SERPINB8: variants seen among roughly 807,000 people sequenced by gnomAD.
The protein encoded by SERPINB8 is serpin family B member 8.
A neutral mutation model predicts 35.3 loss-of-function variants in SERPINB8; 25 were observed. That is an observed-to-expected ratio of 0.71 (90% CI 0.52 to 0.99). The LOEUF is 0.99. Ranked by LOEUF, SERPINB8 falls within the 50% of genes least tolerant of loss-of-function variation. SERPINB8 has a pLI of 0.00. For missense variants in SERPINB8, 484 were observed against 446.5 expected, an observed-to-expected ratio of 1.08 and a Z score of -0.76; for synonymous variants, 186 against 160.8, an observed-to-expected ratio of 1.16 and a Z score of -1.19.
chr18:63,975,040 G>A (rs1484868894), intron 1 of SERPINB8, among the ~76,000 whole-genome samples: 1 of 151,806 alleles, frequency 6.6e-6, no homozygotes, highest in Non-Finnish European at 1.5e-5. Context: ...TGAGATTGAT[G>A]CAATAGTTCA....
chr18:64,011,624 T>C (rs1161770426), intron 7 of SERPINB8, among the ~76,000 whole-genome samples: 1 of 152,172 alleles, frequency 6.6e-6, no homozygotes, highest in African/African-American at 2.4e-5. Context: ...GTTGGTGCTG[T>C]ATTTGTTGAG....
At chr18:64,011,100 T>C (rs2050923936) in intron 7 of SERPINB8, among the ~76,000 whole-genome samples, 2 of 152,072 alleles carry the variant, frequency 1.3e-5, no homozygotes, top group African/African-American at 2.4e-5. Flanking sequence ...ATCTAAATTA[T>C]GTAAATTTTA....
chr18:63,982,579 C>T (rs959963800), intron 4 of SERPINB8, among the ~76,000 whole-genome samples: 3 of 152,130 alleles, frequency 2.0e-5, no homozygotes, highest in Non-Finnish European at 4.4e-5. Flanking sequence ...ACTGTGTGTC[C>T]AGCAGAAGTA....
At chr18:63,990,715 G>A (rs1434680534), downstream of SERPINB8, among the ~76,000 whole-genome samples, 1 of 134,720 alleles carries the variant, frequency 7.4e-6, no homozygotes, top group African/African-American at 2.8e-5. Context: ...CCCTTCCTGT[G>A]TCCATGTGTT....
chr18:64,006,650 G>A (rs531962482), downstream of SERPINB8, among the ~76,000 whole-genome samples: 492 of 152,320 alleles, frequency 3.2e-3, 8 homozygotes, highest in Non-Finnish European at 1.4e-3. Flanking sequence ...GATGGAAGTA[G>A]CGTGGGGTAA....
chr18:63,988,310 A>G lies in SERPINB8; in HGVS notation c.*1032A>G, dbSNP rs535594630. On this transcript the variant is annotated 3_prime_UTR_variant, in exon 7 of 7. Coordinates refer to ENST00000397985, the MANE Select transcript of SERPINB8 (RefSeq NM_002640.4). The stretch of plus-strand genomic sequence containing the variant: ...TCCCTTAAGATCTTTCCAGGTCATC[A>G]ATTTGATGTGCATAGTATTCCACTG... 3 of 152,330 alleles carry G rather than the reference A, an allele frequency of 2.0e-5. No homozygotes were observed. The highest frequency in any genetic ancestry group is 4.4e-5 in the Non-Finnish European group (3 of 68,020). The allele number at this position is 152,330 out of a possible 1,614,324, so 9.4% of individuals were successfully genotyped here.
At chr18:64,004,515 G>T (rs2050890863) in intron 1 of SERPINB8, among the ~76,000 whole-genome samples, 1 of 151,994 alleles carries the variant, frequency 6.6e-6, no homozygotes, top group Admixed American at 6.5e-5. Context: ...TTCATGGTTT[G>T]GCATATACCT....
intron 3 of SERPINB8, among the ~76,000 whole-genome samples, chr18:63,980,949 C>A (rs1484239788): frequency 6.6e-6 from 1 of 152,074 alleles, no homozygotes; most frequent in Non-Finnish European, 1.5e-5. Flanking sequence ...CTGATTGGAC[C>A]CCAACTTACA....
chr18:63,970,904 C>CT lies in SERPINB8; in HGVS notation c.-11+735dup, dbSNP rs549361106. ...TGGGGGTGCTTCTTCACCTACGCCC[C>CT]TCTCTGTTGCAGCCACCGGCGTTAC... is the stretch of plus-strand genomic sequence containing the variant. On this transcript the variant is annotated intron_variant, in intron 1 of 6. Coordinates refer to ENST00000397985, the MANE Select transcript of SERPINB8 (RefSeq NM_002640.4). Among the ~76,000 whole-genome samples, 759 of 152,276 alleles carry CT rather than the reference C, an allele frequency of 5.0e-3. 7 individuals are homozygous for CT. Among genetic ancestry groups the CT allele is most frequent in the African/African-American group, 0.018 (738 of 41,554 alleles).
intron 1 of SERPINB8, among the ~76,000 whole-genome samples, chr18:63,996,334 G>A (rs962718358): frequency 6.6e-6 from 1 of 152,146 alleles, no homozygotes; most frequent in Middle Eastern, 3.2e-3. Context: ...TATTACAGGT[G>A]GCTCAAGCCT....
chr18:63,978,581 G>A (rs1237145089), intron 2 of SERPINB8, 105 bp downstream of exon 2: 1 of 1,324,846 alleles, frequency 7.5e-7, no homozygotes, highest in Non-Finnish European at 1.1e-6. Context: ...TGGAGCTGGA[G>A]GTAGAAGGAG....
chr18:63,998,332 A>G (rs2050859508), intron 1 of SERPINB8, among the ~76,000 whole-genome samples: 1 of 152,228 alleles, frequency 6.6e-6, no homozygotes, highest in Non-Finnish European at 1.5e-5. Context: ...CTTCCTGAAT[A>G]CATTGTATCT....
At chr18:63,974,378 G>C (rs1182426545) in intron 1 of SERPINB8, among the ~76,000 whole-genome samples, 2 of 152,182 alleles carry the variant, frequency 1.3e-5, no homozygotes, top group Admixed American at 6.5e-5. Context: ...GATGTTGTAT[G>C]GGGATGGGGG....
chr18:63,992,069 C>A (rs552395231), downstream of SERPINB8, among the ~76,000 whole-genome samples: 1 of 152,322 alleles, frequency 6.6e-6, no homozygotes, highest in East Asian at 1.9e-4. Flanking sequence ...CATCTCCATT[C>A]ATGAGAGACA....
downstream of SERPINB8, among the ~76,000 whole-genome samples, chr18:63,991,752 G>A (rs1667864380): frequency 6.6e-6 from 1 of 152,080 alleles, no homozygotes; most frequent in Non-Finnish European, 1.5e-5. Context: ...CTGATCTTAG[G>A]GGAAAGCACG....
downstream of SERPINB8, among the ~76,000 whole-genome samples, chr18:63,989,942 CAAAAAAAAAAAA>C (rs1161052778): frequency 1.1e-4 from 3 of 27,884 alleles, no homozygotes; most frequent in Non-Finnish European, 7.3e-5. Context: ...GACTCTGTCT[CAAAAAAAAAAAA>C]AAAAAAAAAA....
At chr18:63,993,049 C>T (rs554894429), downstream of SERPINB8, among the ~76,000 whole-genome samples, 39 of 152,292 alleles carry the variant, frequency 2.6e-4, no homozygotes, top group Admixed American at 1.3e-4. Context: ...AAACAGTTTG[C>T]TGTTTGATCA....
At chr18:64,016,818 C>G (rs988697481) in intron 7 of SERPINB8, among the ~76,000 whole-genome samples, 4 of 152,168 alleles carry the variant, frequency 2.6e-5, no homozygotes, top group Non-Finnish European at 4.4e-5. Context: ...AGTTTCAAAT[C>G]CCTCATTTTC....
In SERPINB8 at chr18:63,987,167, C is replaced by T; in HGVS notation, c.1014C>T (p.Ser338=). ...CAGCCACTGCTGTGGTCAGGAATTC[C>T]CGGTGCAGCAGAATGGAGCCAAGAT... ...AAAATAVVRN[S]RCSRMEPRFC... The change falls in exon 7 of 7, where the codon TCC becomes TCT. Residue 338 remains serine, a synonymous_variant. Coordinates refer to ENST00000397985, the MANE Select transcript of SERPINB8 (RefSeq NM_002640.4). The T allele has an allele frequency of 6.2e-7, 1 of 1,614,154 alleles. No homozygotes were observed. The highest frequency in any genetic ancestry group is 8.5e-7 in the Non-Finnish European group (1 of 1,180,042).
Sources: allele counts gnomAD v4.1 joint callset (sites outside exome capture counted in the v4.1 genomes callset), GRCh38; gene constraint gnomAD v4.1.1; transcripts MANE v1.5; gene names NCBI Gene and HGNC (gene_info 2026-07-23, HGNC 2026-07-21).